Variants in ECM2 observed in about 807,000 individuals in gnomAD.
ECM2 encodes extracellular matrix protein 2, female organ and adipocyte specific.
Under a neutral mutation model 67.5 loss-of-function variants are expected in ECM2, and 57 were observed. The observed-to-expected ratio is 0.84, with a 90% CI of 0.68 to 1.05. The LOEUF (loss-of-function observed/expected upper bound fraction) is 1.05, where lower values mean the gene tolerates loss of function less well. Ranked by LOEUF, ECM2 falls within the 50% of genes least tolerant of loss-of-function variation. The pLI, the probability that ECM2 is intolerant of heterozygous loss-of-function variation, is 0.00. For synonymous variants in ECM2, 258 were observed against 294.5 expected (o/e 0.88, Z 1.27); for missense variants, 741 against 822.8 (o/e 0.90, Z 1.22).
intron 6 of ECM2, 41 bp downstream of exon 6, chr9:92,509,858 A>G: frequency 7.6e-6 from 12 of 1,573,300 alleles, no homozygotes; most frequent in Non-Finnish European, 9.4e-6. Context: ...TATAGGAAAG[A>G]TTATAAGGAA....
chr9:92,514,731 G>C lies in ECM2; in HGVS notation c.954C>G (p.Ser318Arg). Residue 318 changes from serine to arginine, a missense_variant, in exon 4 of 10, where the codon AGC becomes AGG. Coordinates refer to ENST00000344604, the MANE Select transcript of ECM2 (RefSeq NM_001393.4). ...APPRGTLRLPSGCSLSYRTIS... is the reference protein window; with the variant it reads ...APPRGTLRLPRGCSLSYRTIS... Reference sequence around the variant, plus strand: ...TGGTCCTGTAGGACAGAGAGCACCCGCTTGGCAGGCGCAGTGTGCCTCTGG... The same window carrying C: ...TGGTCCTGTAGGACAGAGAGCACCCCCTTGGCAGGCGCAGTGTGCCTCTGG... 3 of 1,607,892 alleles carry C rather than the reference G, an allele frequency of 1.9e-6. No homozygotes were observed. The highest frequency in any genetic ancestry group is 2.6e-6 in the Non-Finnish European group (3 of 1,174,472).
intron 4 of ECM2, 89 bp from the exon 5 acceptor site, chr9:92,512,215 G>C: frequency 2.6e-6 from 2 of 755,534 alleles, no homozygotes; most frequent in Non-Finnish European, 2.2e-6. Flanking sequence ...GATATCAAGA[G>C]AGAGCTTTGT....
chr9:92,509,923 C>A lies in ECM2; in HGVS notation c.1282G>T (p.Ala428Ser), dbSNP rs1195299180. 6.2e-7 allele frequency: 1 copy of A among 1,604,218 alleles called. No individual in the cohort carries two copies. The highest frequency in any genetic ancestry group is 1.8e-5 in the Admixed American group (1 of 56,506). ...CCTGATAAACTTTCTTCATCGATAGCCTGAAGATTGTTCTCATTGACTTTA... is the reference window on the plus strand; with the variant it reads ...CCTGATAAACTTTCTTCATCGATAGACTGAAGATTGTTCTCATTGACTTTA... ...ELKVNENNLQ[A>S]IDEESLSDLN... The change falls in exon 6 of 10, where the codon GCT (alanine) becomes TCT (serine). Residue 428 changes from alanine (A) to serine (S), a missense_variant. By Grantham distance (99) the Ala-to-Ser change is moderately conservative (BLOSUM62 1). Coordinates refer to ENST00000344604, the MANE Select transcript of ECM2 (RefSeq NM_001393.4).
chr9:92,494,740 C>G (rs1190910532), downstream of ECM2, among the ~76,000 whole-genome samples: 1 of 152,040 alleles, frequency 6.6e-6, no homozygotes, highest in East Asian at 1.9e-4. Flanking sequence ...AACCCCATCT[C>G]TATTAAAAAT....
At chr9:92,502,707 A>G in intron 7 of ECM2, 55 bp from the exon 8 acceptor site, 4 of 1,388,550 alleles carry the variant, frequency 2.9e-6, no homozygotes, top group Non-Finnish European at 3.9e-6. Flanking sequence ...GATACGTTCA[A>G]TTTCATGGAG....
At chr9:92,519,457 C>T (rs1847928429) in intron 2 of ECM2, among the ~76,000 whole-genome samples, 1 of 152,152 alleles carries the variant, frequency 6.6e-6, no homozygotes, top group Non-Finnish European at 1.5e-5. Context: ...CAGTGTGATA[C>T]TAGTATAAGC....
chr9:92,523,745 G>A (rs143831524), intron 1 of ECM2, among the ~76,000 whole-genome samples: 2 of 152,182 alleles, frequency 1.3e-5, no homozygotes, highest in South Asian at 2.1e-4. Context: ...CTAGGAGCCT[G>A]TACGTCTGTC....
At chr9:92,534,738 C>A (rs945711997) in intron 1 of ECM2, among the ~76,000 whole-genome samples, 4 of 152,122 alleles carry the variant, frequency 2.6e-5, no homozygotes, top group Non-Finnish European at 5.9e-5. Flanking sequence ...ATATGAAAAC[C>A]TGAACTGAGA....
rs558059235 is a variant in ECM2, at chr9:92,495,565, T to G, written c.*750A>C. 3 of 979,940 alleles carry G rather than the reference T, an allele frequency of 3.1e-6. No homozygotes were observed. In the African/African-American group the frequency reaches 5.2e-5, roughly 17 times the overall value. The allele number at this position is 979,940 out of a possible 1,614,324, so 60.7% of individuals were successfully genotyped here. A position where few individuals can be genotyped will look rare whatever the true frequency, so the allele number is the denominator to read the frequency against. On this transcript the variant is annotated 3_prime_UTR_variant, in exon 10 of 10. Coordinates refer to ENST00000344604, the MANE Select transcript of ECM2 (RefSeq NM_001393.4). Reference sequence around the variant, plus strand: ...TGCTTTTCAAAAAATGTCTTAATCTTGAGTGAGGAATAGTGAAGGTAATCT... The same window carrying G: ...TGCTTTTCAAAAAATGTCTTAATCTGGAGTGAGGAATAGTGAAGGTAATCT...
chr9:92,553,510 C>A, the ECM2 span, among the ~76,000 whole-genome samples: 1 of 152,040 alleles, frequency 6.6e-6, no homozygotes, highest in Admixed American at 6.6e-5. Context: ...ATGATCATTT[C>A]CACAATATTG....
intron 5 of ECM2, among the ~76,000 whole-genome samples, chr9:92,511,652 A>G (rs1009854424): frequency 3.3e-5 from 5 of 152,092 alleles, no homozygotes; most frequent in African/African-American, 1.2e-4. Flanking sequence ...GGCCTGAAAA[A>G]TGTTAACAGA....
At chr9:92,498,048 T>C (rs1301394868) in intron 9 of ECM2, among the ~76,000 whole-genome samples, 1 of 152,098 alleles carries the variant, frequency 6.6e-6, no homozygotes, top group African/African-American at 2.4e-5. Context: ...TGAAGAACCA[T>C]GAGCCAAATA....
the ECM2 span, among the ~76,000 whole-genome samples, chr9:92,547,451 C>A: frequency 6.6e-6 from 1 of 152,128 alleles, no homozygotes; most frequent in African/African-American, 2.4e-5. Flanking sequence ...CATAGCCATA[C>A]AAGGGAATAT....
the ECM2 span, among the ~76,000 whole-genome samples, chr9:92,557,693 A>G: frequency 2.6e-5 from 4 of 152,128 alleles, no homozygotes; most frequent in African/African-American, 9.7e-5. Context: ...GCCAGTCTGC[A>G]GTGCAGTGGC....
chr9:92,511,943 CA>C, intron 5 of ECM2, 67 bp downstream of exon 5: 1 of 1,206,454 alleles, frequency 8.3e-7, no homozygotes, highest in Non-Finnish European at 1.2e-6. Flanking sequence ...CTCCCTTCCC[CA>C]TCTCCAACCA....
intron 6 of ECM2, among the ~76,000 whole-genome samples, chr9:92,506,038 C>T (rs561551925): frequency 6.6e-6 from 1 of 152,140 alleles, no homozygotes; most frequent in South Asian, 2.1e-4. Context: ...GGTGGCTGAA[C>T]AGGGATTTGG....
chr9:92,558,659 T>C, the ECM2 span, among the ~76,000 whole-genome samples: 1 of 152,046 alleles, frequency 6.6e-6, no homozygotes, highest in South Asian at 2.1e-4. Flanking sequence ...TCAGCTGTAG[T>C]AGAGTGGAAA....
At chr9:92,498,483 GAAGT>G (rs1846487447) in intron 9 of ECM2, among the ~76,000 whole-genome samples, 1 of 151,716 alleles carries the variant, frequency 6.6e-6, no homozygotes, top group Non-Finnish European at 1.5e-5. Flanking sequence ...GACAATCATA[GAAGT>G]AAGACTTCTC....
chr9:92,546,435 A>G, the ECM2 span, among the ~76,000 whole-genome samples: 3 of 152,074 alleles, frequency 2.0e-5, no homozygotes, highest in Admixed American at 2.0e-4. Flanking sequence ...TGTAACACTC[A>G]TGGGGGAAGA....
Sources: gnomAD v4.1 joint callset for allele counts (sites outside exome capture counted in the v4.1 genomes callset) on GRCh38, gnomAD v4.1.1 for gene constraint, MANE v1.5 for transcripts, NCBI Gene and HGNC (gene_info 2026-07-23, HGNC 2026-07-21) for gene names.